The following MICU3 variants were observed in gnomAD, a reference collection of about 807,000 sequenced individuals.
The protein encoded by MICU3 is calcium uptake protein 3, mitochondrial.
MICU3 carries 62 observed loss-of-function variants against 66.5 expected under a neutral mutation model. The observed-to-expected ratio is 0.93, with a 90% CI of 0.76 to 1.15. The LOEUF (loss-of-function observed/expected upper bound fraction) is 1.15. Ranked by LOEUF, MICU3 falls within the 50% of genes most tolerant of loss-of-function variation. MICU3 has a pLI of 0.00. For missense variants in MICU3, 779 were observed against 664.4 expected (o/e 1.17, Z -1.90); for synonymous variants, 308 against 240.7 (o/e 1.28, Z -2.59).
At chr8:17,089,760 A>T (rs1248954546) in intron 7 of MICU3, among the ~76,000 whole-genome samples, 1 of 152,060 alleles carries the variant, frequency 6.6e-6, no homozygotes, top group South Asian at 2.1e-4. Context: ...TATGGAGGTT[A>T]AAGCACATAG....
At chr8:17,076,662 T>C (rs1393096397) in intron 3 of MICU3, among the ~76,000 whole-genome samples, 1 of 152,228 alleles carries the variant, frequency 6.6e-6, no homozygotes, top group Non-Finnish European at 1.5e-5. Flanking sequence ...TTTATAAATG[T>C]CAGAAAGCAT....
chr8:17,050,112 G>T (rs1170982504), intron 1 of MICU3, among the ~76,000 whole-genome samples: 1 of 151,886 alleles, frequency 6.6e-6, no homozygotes, highest in Non-Finnish European at 1.5e-5. Flanking sequence ...ACTATCCAGG[G>T]ATCTTAAGTA....
intron 1 of MICU3, among the ~76,000 whole-genome samples, chr8:17,055,181 G>A (rs1816741570): frequency 6.6e-6 from 1 of 152,146 alleles, no homozygotes; most frequent in South Asian, 2.1e-4. Context: ...CTAAGAATTT[G>A]GAAAGAGATT....
chr8:17,039,452 C>G (rs190017769), intron 1 of MICU3, among the ~76,000 whole-genome samples: 9 of 152,320 alleles, frequency 5.9e-5, no homozygotes, highest in Non-Finnish European at 7.3e-5. Flanking sequence ...GATCCCCTCT[C>G]TTAGTTTCTT....
At chr8:17,105,325 C>G in intron 10 of MICU3, 88 bp from the exon 11 acceptor site, 1 of 721,282 alleles carries the variant, frequency 1.4e-6, no homozygotes, top group Non-Finnish European at 2.3e-6. Context: ...TCCATATAAC[C>G]TTTTCTAGGA....
At chr8:17,076,947 A>C (rs562652491) in intron 3 of MICU3, among the ~76,000 whole-genome samples, 1 of 152,332 alleles carries the variant, frequency 6.6e-6, no homozygotes, top group Admixed American at 6.5e-5. Context: ...GTTTCAAATT[A>C]TTTCAAGTTA....
At chr8:17,049,671 G>T in intron 1 of MICU3, 1 of 514,742 alleles carries the variant, frequency 1.9e-6, no homozygotes, top group Non-Finnish European at 3.9e-6. Flanking sequence ...AACAAGTTGT[G>T]TAATGTGAAA....
chr8:17,031,058 C>T (rs962093617), intron 1 of MICU3, among the ~76,000 whole-genome samples: 3 of 151,898 alleles, frequency 2.0e-5, no homozygotes, highest in Admixed American at 6.6e-5. Flanking sequence ...AGTCAATCTG[C>T]CATTTTTCAG....
intron 1 of MICU3, among the ~76,000 whole-genome samples, chr8:17,045,328 A>ACTTT (rs1294835589): frequency 1.3e-5 from 2 of 152,076 alleles, no homozygotes; most frequent in East Asian, 3.9e-4. Flanking sequence ...AGATCATAAG[A>ACTTT]CTTTCATTCC....
At chr8:17,030,826 T>A (rs113005151) in intron 1 of MICU3, among the ~76,000 whole-genome samples, 75 of 152,280 alleles carry the variant, frequency 4.9e-4, no homozygotes, top group African/African-American at 1.7e-3. Flanking sequence ...AATACCTTAC[T>A]TCTATTTGGT....
chr8:17,096,188 T>C (rs983080183), intron 8 of MICU3, among the ~76,000 whole-genome samples: 2 of 151,960 alleles, frequency 1.3e-5, no homozygotes, highest in African/African-American at 4.8e-5. Flanking sequence ...ATCATAGTTG[T>C]CTGTTTCACA....
intron 14 of MICU3, 40 bp downstream of exon 14, chr8:17,118,815 A>G (rs770038056): frequency 1.2e-5 from 14 of 1,149,154 alleles, no homozygotes; most frequent in South Asian, 2.6e-5. Context: ...TTCAGTAACA[A>G]TAGGGATCAT....
downstream of MICU3, among the ~76,000 whole-genome samples, chr8:17,127,025 G>A (rs947895137): frequency 1.3e-5 from 2 of 152,196 alleles, no homozygotes; most frequent in Admixed American, 6.5e-5. Context: ...AATGAAGCAA[G>A]TAGCTTAAAG....
intron 5 of MICU3, among the ~76,000 whole-genome samples, chr8:17,084,490 C>A (rs1821667968): frequency 6.6e-6 from 1 of 151,936 alleles, no homozygotes; most frequent in Admixed American, 6.6e-5. Flanking sequence ...TTGTACCCCT[C>A]CCCCCGGTCA....
At chr8:17,130,605 G>A in the MICU3 span, among the ~76,000 whole-genome samples, 1 of 152,162 alleles carries the variant, frequency 6.6e-6, no homozygotes, top group East Asian at 1.9e-4. Context: ...TGGTAATATC[G>A]CAAAGGACAG....
chr8:17,052,748 G>C (rs892589183), intron 1 of MICU3, among the ~76,000 whole-genome samples: 1 of 151,874 alleles, frequency 6.6e-6, no homozygotes, highest in Non-Finnish European at 1.5e-5. Context: ...TTAACCTTTC[G>C]ACCACCCAGC....
intron 1 of MICU3, among the ~76,000 whole-genome samples, chr8:17,036,269 G>A (rs1303625222): frequency 6.6e-6 from 1 of 152,160 alleles, no homozygotes; most frequent in African/African-American, 2.4e-5. Context: ...GGGCTCAGGA[G>A]TGAAGCTGCA....
chr8:17,032,177 C>T (rs892461391), intron 1 of MICU3, among the ~76,000 whole-genome samples: 9 of 152,148 alleles, frequency 5.9e-5, no homozygotes, highest in Admixed American at 5.9e-4. Flanking sequence ...GTCAAAATTC[C>T]AGGCTTTGGG....
At chr8:17,131,412 GA>G in the MICU3 span, 152,311 of 152,312 alleles carry the variant, frequency 1, 76,155 homozygotes, top group Non-Finnish European at 1. Context: ...GCCATCCACA[GA>G]AAAGTGGAGT....
Sources: gnomAD v4.1 joint callset for allele counts (sites outside exome capture counted in the v4.1 genomes callset) on GRCh38, gnomAD v4.1.1 for gene constraint, MANE v1.5 for transcripts, NCBI Gene and HGNC (gene_info 2026-07-23, HGNC 2026-07-21) for gene names.